BCKDHB: variants seen among roughly 807,000 people sequenced by gnomAD.
BCKDHB encodes 2-oxoisovalerate dehydrogenase subunit beta, mitochondrial.
A neutral mutation model predicts 48.5 loss-of-function variants in BCKDHB; 41 were observed. The ratio of observed to expected loss-of-function variants is 0.85; its 90% confidence interval spans 0.66 to 1.10. BCKDHB has a LOEUF of 1.10. BCKDHB is among the 50% of genes least tolerant of loss of function. The probability of loss-of-function intolerance (pLI) is 0.00; values close to 1 mark genes in which losing one functional copy is unlikely to be tolerated. For synonymous variants in BCKDHB, 201 were observed against 174.8 expected (o/e 1.15, Z -1.18); for missense variants, 496 against 494.2 (o/e 1.00, Z -0.03).
chr6:80,440,990 T>A, the BCKDHB span: 3 of 152,178 alleles, frequency 2.0e-5, no homozygotes, highest in African/African-American at 7.2e-5. Flanking sequence ...CTCATTAACC[T>A]ACAGTGACAC....
chr6:80,154,784 T>C (rs896434533), intron 3 of BCKDHB, among the ~76,000 whole-genome samples: 1 of 152,158 alleles, frequency 6.6e-6, no homozygotes, highest in Admixed American at 6.5e-5. Flanking sequence ...AACTATAAGA[T>C]TGATATAGTA....
the BCKDHB span, among the ~76,000 whole-genome samples, chr6:80,378,918 A>G: frequency 6.6e-6 from 1 of 152,006 alleles, no homozygotes; most frequent in African/African-American, 2.4e-5. Context: ...GTTTATTGGA[A>G]TACTTAGTAA....
At chr6:80,150,235 A>G (rs986923619) in intron 3 of BCKDHB, among the ~76,000 whole-genome samples, 2 of 151,640 alleles carry the variant, frequency 1.3e-5, no homozygotes, top group Admixed American at 1.3e-4. Flanking sequence ...CCTTTTAACT[A>G]TTGTCTATTT....
At chr6:80,429,304 A>G in the BCKDHB span, among the ~76,000 whole-genome samples, 2 of 152,142 alleles carry the variant, frequency 1.3e-5, no homozygotes, top group Non-Finnish European at 1.5e-5. Flanking sequence ...TTCAGGTAGC[A>G]TGATGCCTCC....
chr6:80,363,635 A>C, the BCKDHB span, among the ~76,000 whole-genome samples: 2 of 152,218 alleles, frequency 1.3e-5, no homozygotes, highest in Admixed American at 1.3e-4. Flanking sequence ...ACTGTCATAC[A>C]TACTTTATTG....
At chr6:80,117,740 G>T (rs1295294570) in intron 1 of BCKDHB, among the ~76,000 whole-genome samples, 1 of 152,228 alleles carries the variant, frequency 6.6e-6, no homozygotes, top group Non-Finnish European at 1.5e-5. Flanking sequence ...TTTGTTTCCT[G>T]TAAGGAATAC....
At chr6:80,151,204 G>A (rs1283656960) in intron 3 of BCKDHB, among the ~76,000 whole-genome samples, 3 of 152,040 alleles carry the variant, frequency 2.0e-5, no homozygotes, top group Admixed American at 2.0e-4. Context: ...TGTGTTTTCT[G>A]ATTCTATTTT....
At chr6:80,353,144 TGA>T in the BCKDHB span, among the ~76,000 whole-genome samples, 1 of 152,164 alleles carries the variant, frequency 6.6e-6, no homozygotes, top group Admixed American at 6.5e-5. Context: ...TACTTATGAG[TGA>T]GAGCATGTGA....
In BCKDHB at chr6:80,340,491, C is replaced by T. The variant is rs372883292; in HGVS notation, c.1039-3173C>T. Among the ~76,000 whole-genome samples, 11 of 152,330 alleles carry T rather than the reference C, an allele frequency of 7.2e-5. No homozygotes were observed. The East Asian group carries it at 1.3e-3, about 19-fold the overall frequency. ...GGGAGAAAGACCATAAACGAACACT[C>T]CCCGTTTCTAGCCCATATTCTGCAT... On this transcript the variant is annotated intron_variant, in intron 9 of 9. Coordinates refer to ENST00000320393, the MANE Select transcript of BCKDHB (RefSeq NM_183050.4).
At chr6:80,373,698 C>A in the BCKDHB span, among the ~76,000 whole-genome samples, 1 of 152,062 alleles carries the variant, frequency 6.6e-6, no homozygotes, top group African/African-American at 2.4e-5. Flanking sequence ...GTATTGGGTG[C>A]ATATATATTT....
At chr6:80,417,084 T>C in the BCKDHB span, among the ~76,000 whole-genome samples, 1 of 152,210 alleles carries the variant, frequency 6.6e-6, no homozygotes, top group Non-Finnish European at 1.5e-5. Flanking sequence ...TTTTGTTGAA[T>C]TGAACTCTTG....
At chr6:80,228,030 C>G (rs1411439496) in intron 8 of BCKDHB, among the ~76,000 whole-genome samples, 1 of 152,110 alleles carries the variant, frequency 6.6e-6, no homozygotes, top group East Asian at 1.9e-4. Context: ...CAACAGTCTT[C>G]CAAATAACTT....
At chr6:80,110,125 T>C (rs7755034) in intron 1 of BCKDHB, among the ~76,000 whole-genome samples, 10,937 of 152,326 alleles carry the variant, frequency 0.072, 483 homozygotes, top group South Asian at 0.099. Flanking sequence ...GTGACACTTA[T>C]GCTGCTTTAT....
chr6:80,123,053 C>T (rs1157622934), intron 1 of BCKDHB, among the ~76,000 whole-genome samples: 4 of 138,086 alleles, frequency 2.9e-5, no homozygotes, highest in Non-Finnish European at 4.5e-5. Flanking sequence ...TTAGCAATAT[C>T]TCTCCTACTT....
chr6:80,338,800 A>G (rs1463643430), intron 9 of BCKDHB, among the ~76,000 whole-genome samples: 1 of 152,220 alleles, frequency 6.6e-6, no homozygotes, highest in African/African-American at 2.4e-5. Context: ...ATGCTACTGC[A>G]GAATCTAAGT....
chr6:80,197,323 A>T (rs1774177487), intron 6 of BCKDHB, among the ~76,000 whole-genome samples: 1 of 152,206 alleles, frequency 6.6e-6, no homozygotes, highest in South Asian at 2.1e-4. Context: ...TATTAAAATT[A>T]ATTCTTATTC....
chr6:80,317,548 T>C (rs1378074302), intron 9 of BCKDHB, among the ~76,000 whole-genome samples: 3 of 152,198 alleles, frequency 2.0e-5, no homozygotes, highest in African/African-American at 7.2e-5. Context: ...TAGGGGAAGT[T>C]CACCAATTTT....
intron 3 of BCKDHB, among the ~76,000 whole-genome samples, chr6:80,166,716 CTT>C (rs2127772256): frequency 6.6e-6 from 1 of 151,840 alleles, no homozygotes; most frequent in South Asian, 2.1e-4. Flanking sequence ...TGATTTCTAA[CTT>C]AATTACACTA....
chr6:80,196,976 G>T (rs757563134), intron 6 of BCKDHB, among the ~76,000 whole-genome samples: 32 of 152,152 alleles, frequency 2.1e-4, no homozygotes, highest in Non-Finnish European at 4.4e-4. Flanking sequence ...TGATGCTGAA[G>T]TGTTTCTCTG....
Sources: allele counts gnomAD v4.1 joint callset (sites outside exome capture counted in the v4.1 genomes callset), GRCh38; gene constraint gnomAD v4.1.1; transcripts MANE v1.5; gene names NCBI Gene and HGNC (gene_info 2026-07-23, HGNC 2026-07-21).